The following TXK variants were observed in gnomAD, a reference collection of about 807,000 sequenced individuals.
TXK encodes the protein tyrosine-protein kinase TXK.
In TXK, 60 loss-of-function variants were observed where a neutral mutation model predicts 81.0. That is an observed-to-expected ratio of 0.74 (90% CI 0.60 to 0.92). The LOEUF (loss-of-function observed/expected upper bound fraction) is 0.92, where lower values mean the gene tolerates loss of function less well. Among genes scored for constraint, TXK ranks in the 40% least tolerant of loss-of-function variants. The pLI, the probability that TXK is intolerant of heterozygous loss-of-function variation, is 0.00. For missense variants in TXK, 581 were observed against 638.3 expected, an observed-to-expected ratio of 0.91 and a Z score of 0.97; for synonymous variants, 203 against 210.7, an observed-to-expected ratio of 0.96 and a Z score of 0.32.
At chr4:48,081,118 A>T in intron 10 of TXK, among the ~76,000 whole-genome samples, 1 of 152,050 alleles carries the variant, frequency 6.6e-6, no homozygotes, top group South Asian at 2.1e-4. Flanking sequence ...TATATTATAT[A>T]TATTTTGTCT....
At chr4:48,107,354 T>G (rs985526195) in intron 5 of TXK, among the ~76,000 whole-genome samples, 1 of 151,670 alleles carries the variant, frequency 6.6e-6, no homozygotes, top group Admixed American at 6.6e-5. Context: ...GAACTCCACA[T>G]TGACACAGCA....
intron 10 of TXK, among the ~76,000 whole-genome samples, chr4:48,082,981 A>T (rs1717369060): frequency 6.6e-6 from 1 of 152,176 alleles, no homozygotes; most frequent in Non-Finnish European, 1.5e-5. Flanking sequence ...GCATCCTTCA[A>T]GTTTGTGTGT....
chr4:48,119,968 A>C (rs1469679486), intron 1 of TXK, among the ~76,000 whole-genome samples: 3 of 152,042 alleles, frequency 2.0e-5, no homozygotes, highest in Non-Finnish European at 4.4e-5. Context: ...CTGTGGCAAA[A>C]TGTTGTGCCC....
chr4:48,068,630 G>A (rs1716701127), intron 14 of TXK, among the ~76,000 whole-genome samples: 1 of 152,208 alleles, frequency 6.6e-6, no homozygotes, highest in Admixed American at 6.5e-5. Flanking sequence ...CCCTGGTCAT[G>A]GAGCCAAGGA....
intron 10 of TXK, among the ~76,000 whole-genome samples, chr4:48,083,222 C>G (rs1717378492): frequency 6.6e-6 from 1 of 152,210 alleles, no homozygotes; most frequent in Non-Finnish European, 1.5e-5. Context: ...AGCACTCACC[C>G]TGATTCCTGC....
chr4:48,072,735 G>A (rs1343741437), intron 13 of TXK, among the ~76,000 whole-genome samples: 1 of 152,112 alleles, frequency 6.6e-6, no homozygotes, highest in Non-Finnish European at 1.5e-5. Context: ...GTAAAATTCA[G>A]GGAGTTCTAA....
intron 8 of TXK, 41 bp downstream of exon 8, chr4:48,094,036 C>A: frequency 6.2e-7 from 1 of 1,612,414 alleles, no homozygotes; most frequent in Non-Finnish European, 8.5e-7. Context: ...CCATCAAGGG[C>A]ATGGCTCCCT....
chr4:48,094,996 T>C (rs1204961836), intron 7 of TXK, 147 bp downstream of exon 7: 2 of 685,058 alleles, frequency 2.9e-6, no homozygotes, highest in South Asian at 1.6e-5. Flanking sequence ...ACACAGAGCA[T>C]GCTAGGGATA....
chr4:48,077,271 A>C lies in TXK; in HGVS notation c.1174-805T>G, dbSNP rs537461734. Among the ~76,000 whole-genome samples the C allele has an allele frequency of 0.021, 321 of 15,260 alleles. 6 individuals carry two copies. The South Asian group carries it at 0.41, about 20-fold the overall frequency. The allele number at this position is 15,260 out of a possible 152,430, so 10.0% of individuals were successfully genotyped here. On this transcript the variant is annotated intron_variant, in intron 11 of 14. Transcript: ENST00000264316. ...TTGATTTGATTATTTAGCCTCATGTAGGTAGATAAACTATTTGATAGAATT... is the reference window on the plus strand; with the variant it reads ...TTGATTTGATTATTTAGCCTCATGTCGGTAGATAAACTATTTGATAGAATT...
rs187972404 is a variant in TXK at position 48,128,666 on chromosome 4, G to A, written c.16+5489C>T. The stretch of plus-strand genomic sequence containing the variant: ...CTGCAACCTCTGCTCCCGGGTTCAC[G>A]CCATTCTCCTGCCTCAGCCTCCCGA... On this transcript the variant is annotated intron_variant, in intron 1 of 14. Coordinates refer to ENST00000264316, the MANE Select transcript of TXK (RefSeq NM_003328.3). Among the ~76,000 whole-genome samples the A allele has an allele frequency of 2.9e-3, 419 of 143,002 alleles. 4 individuals carry two copies. The highest frequency in any genetic ancestry group is 0.01 in the African/African-American group (403 of 38,534). The allele number at this position is 143,002 out of a possible 152,430, so 93.8% of individuals were successfully genotyped here. A position where few individuals can be genotyped will look rare whatever the true frequency, so the allele number is the denominator to read the frequency against.
intron 13 of TXK, among the ~76,000 whole-genome samples, chr4:48,072,947 C>A (rs1329631576): frequency 6.6e-6 from 1 of 152,054 alleles, no homozygotes; most frequent in Non-Finnish European, 1.5e-5. Context: ...TTTTTTGAGG[C>A]AGGGTCTTGC....
At chr4:48,071,490 CT>C in intron 14 of TXK, 26 bp downstream of exon 14, 1 of 1,597,004 alleles carries the variant, frequency 6.3e-7, no homozygotes, top group Non-Finnish European at 8.5e-7. Context: ...GACTGCCAAC[CT>C]TCATAGGAAA....
chr4:48,123,822 T>C (rs1719017689), intron 1 of TXK, among the ~76,000 whole-genome samples: 1 of 152,162 alleles, frequency 6.6e-6, no homozygotes, highest in Non-Finnish European at 1.5e-5. Flanking sequence ...CTCAGCATTA[T>C]ATCTTCCCCC....
intron 1 of TXK, among the ~76,000 whole-genome samples, chr4:48,114,853 A>T (rs1718754424): frequency 6.6e-6 from 1 of 152,008 alleles, no homozygotes; most frequent in Non-Finnish European, 1.5e-5. Flanking sequence ...TTTCAGTGGG[A>T]TTTTTATTCT....
chr4:48,068,391 C>T (rs2048612475), intron 14 of TXK, among the ~76,000 whole-genome samples: 1 of 152,126 alleles, frequency 6.6e-6, no homozygotes, highest in Admixed American at 6.5e-5. Flanking sequence ...GGATTTCAGT[C>T]AGAAAGCAAA....
intron 1 of TXK, among the ~76,000 whole-genome samples, chr4:48,115,478 A>G (rs539338168): frequency 6.6e-6 from 1 of 152,302 alleles, no homozygotes; most frequent in African/African-American, 2.4e-5. Flanking sequence ...AGAACTAGCT[A>G]GTAAGTCTAG....
intron 7 of TXK, 150 bp from the exon 8 acceptor site, chr4:48,094,354 C>A (rs1717899225): frequency 3.5e-6 from 3 of 855,488 alleles, no homozygotes; most frequent in East Asian, 2.7e-5. Context: ...AGTGCCCCCC[C>A]ATGCCAAGAA....
rs574951011 is a variant in TXK at position 48,097,748 on chromosome 4, A to G, written c.502-2526T>C. ...ACTGCACCCAGCCAAAAGCTACCAC[A>G]TTTTTTTTTTTTTTTTTGAGACGGG... is the stretch of plus-strand genomic sequence containing the variant. On this transcript the variant is annotated intron_variant, in intron 6 of 14. Transcript: ENST00000264316. Among the ~76,000 whole-genome samples, 17 of 114,404 alleles carry G rather than the reference A, an allele frequency of 1.5e-4. No homozygotes were observed. The East Asian group carries it at 1.5e-3, about 10-fold the overall frequency. The allele number at this position is 114,404 out of a possible 152,430, so 75.1% of individuals were successfully genotyped here.
chr4:48,069,818 C>A (rs926727727), intron 14 of TXK, among the ~76,000 whole-genome samples: 1 of 152,164 alleles, frequency 6.6e-6, no homozygotes, highest in African/African-American at 2.4e-5. Flanking sequence ...TACACACACA[C>A]GTGTGTATTA....
Sources: gnomAD v4.1 joint callset for allele counts (sites outside exome capture counted in the v4.1 genomes callset) on GRCh38, gnomAD v4.1.1 for gene constraint, MANE v1.5 for transcripts, NCBI Gene and HGNC (gene_info 2026-07-23, HGNC 2026-07-21) for gene names.